Variants in TSPAN18 observed in about 807,000 individuals in gnomAD.
TSPAN18 encodes tetraspanin 18.
Under a neutral mutation model 27.3 loss-of-function variants are expected in TSPAN18, and 14 were observed. The ratio of observed to expected loss-of-function variants is 0.51; its 90% CI spans 0.34 to 0.80. The LOEUF is 0.80. Among genes scored for constraint, TSPAN18 ranks in the 30% least tolerant of loss-of-function variants. The pLI, the probability that TSPAN18 is intolerant of heterozygous loss-of-function variation, is 0.01. For missense variants in TSPAN18, 268 were observed against 323.9 expected (o/e 0.83, Z 1.32); for synonymous variants, 143 against 136.5 (o/e 1.05, Z -0.33).
At chr11:44,920,536 G>A (rs1211436675) in intron 8 of TSPAN18, among the ~76,000 whole-genome samples, 4 of 152,118 alleles carry the variant, frequency 2.6e-5, no homozygotes, top group South Asian at 2.1e-4. Context: ...CTTCCTGCAC[G>A]TGCCATTTCT....
intron 1 of TSPAN18, among the ~76,000 whole-genome samples, chr11:44,733,932 T>A (rs1003266981): frequency 6.6e-6 from 1 of 152,134 alleles, no homozygotes; most frequent in Non-Finnish European, 1.5e-5. Context: ...ATGTTGAAAT[T>A]TGATCTCCAC....
At chr11:44,791,365 C>T (rs1216924886) in intron 2 of TSPAN18, among the ~76,000 whole-genome samples, 1 of 152,180 alleles carries the variant, frequency 6.6e-6, no homozygotes, top group East Asian at 1.9e-4. Flanking sequence ...TAACTTTATG[C>T]ACAAGTTTGA....
Position 44,908,769 on chromosome 11 carries a change from G to GAAAGAAAGAAAGAAAGAA in TSPAN18, c.64-935_64-934insAAGAAAGAAAGAAAGAAA, listed in dbSNP as rs1554938043. ...AAGAGAGAGAGAGAGAGAGAGAAAGGAGAAAGAAAGAAAGAAAGAAAGAAA... is the reference window on the plus strand; with the variant it reads ...AAGAGAGAGAGAGAGAGAGAGAAAGGAAAGAAAGAAAGAAAGAAAGAAAGAAAGAAAGAAAGAAAGAAA... On this transcript the variant is annotated intron_variant, in intron 4 of 9. Transcript: ENST00000520358. Among the ~76,000 whole-genome samples, 34 of 71,694 alleles carry GAAAGAAAGAAAGAAAGAA rather than the reference G, an allele frequency of 4.7e-4. 3 individuals are homozygous for GAAAGAAAGAAAGAAAGAA. Among genetic ancestry groups the GAAAGAAAGAAAGAAAGAA allele is most frequent in the African/African-American group, 1.7e-3 (26 of 15,052 alleles). 47.0% of individuals were successfully genotyped at this position (71,694 alleles called of 152,430 possible).
At chr11:44,736,456 T>C (rs1252082617) in intron 1 of TSPAN18, 1 of 152,220 alleles carries the variant, frequency 6.6e-6, no homozygotes, top group African/African-American at 2.4e-5. Flanking sequence ...AGAATATCAG[T>C]TGAGATGGAT....
chr11:44,832,582 G>A (rs835778), intron 2 of TSPAN18, among the ~76,000 whole-genome samples: 134,099 of 152,220 alleles, frequency 0.88, 59,136 homozygotes, highest in East Asian at 0.94. Context: ...GAACAAGCCA[G>A]TCATATTCCT....
chr11:44,928,111 A>G (rs749850627), intron 9 of TSPAN18, among the ~76,000 whole-genome samples: 1 of 152,058 alleles, frequency 6.6e-6, no homozygotes, highest in Non-Finnish European at 1.5e-5. Flanking sequence ...TCCCTCAGCT[A>G]CTTGCAATGA....
At chr11:44,798,426 T>C (rs1658012579) in intron 2 of TSPAN18, among the ~76,000 whole-genome samples, 1 of 152,186 alleles carries the variant, frequency 6.6e-6, no homozygotes, top group Admixed American at 6.5e-5. Flanking sequence ...GTCACACAGC[T>C]GGAAAGTAGC....
intron 6 of TSPAN18, among the ~76,000 whole-genome samples, chr11:44,918,696 T>A (rs1860008287): frequency 6.6e-6 from 1 of 151,802 alleles, no homozygotes; most frequent in Non-Finnish European, 1.5e-5. Flanking sequence ...GCCCAGATGG[T>A]CTCCTCTGCT....
intron 3 of TSPAN18, chr11:44,903,902 GGAT>G: frequency 2.2e-6 from 1 of 456,602 alleles, no homozygotes; most frequent in Non-Finnish European, 4.4e-6. Flanking sequence ...TGGAAAATAA[GGAT>G]AATAAGAGTA....
chr11:44,911,033 G>A (rs561962859), intron 5 of TSPAN18, among the ~76,000 whole-genome samples: 4 of 152,318 alleles, frequency 2.6e-5, no homozygotes, highest in East Asian at 1.9e-4. Flanking sequence ...GGGTGGTGGC[G>A]CTTGGGGCCT....
At chr11:44,819,439 A>C (rs964851689) in intron 2 of TSPAN18, among the ~76,000 whole-genome samples, 2 of 152,158 alleles carry the variant, frequency 1.3e-5, no homozygotes, top group Non-Finnish European at 2.9e-5. Context: ...GACTGTGCGC[A>C]TGTGCATGTG....
chr11:44,871,438 G>T (rs1858192867), intron 3 of TSPAN18, among the ~76,000 whole-genome samples: 1 of 152,114 alleles, frequency 6.6e-6, no homozygotes, highest in Non-Finnish European at 1.5e-5. Flanking sequence ...GGGGATGAGG[G>T]TTTCAATATA....
chr11:44,866,645 A>G (rs1858044819), intron 3 of TSPAN18, among the ~76,000 whole-genome samples: 2 of 152,340 alleles, frequency 1.3e-5, no homozygotes, highest in Middle Eastern at 6.8e-3. Flanking sequence ...TTCCGGGAAC[A>G]GGGCACCTGA....
intron 5 of TSPAN18, among the ~76,000 whole-genome samples, chr11:44,911,866 A>T (rs968994042): frequency 6.6e-6 from 1 of 151,822 alleles, no homozygotes; most frequent in African/African-American, 2.4e-5. Flanking sequence ...CTCCCGAGAG[A>T]GGTGATCCTG....
chr11:44,915,479 C>T (rs1029345558), intron 5 of TSPAN18, among the ~76,000 whole-genome samples: 2 of 152,174 alleles, frequency 1.3e-5, no homozygotes, highest in African/African-American at 2.4e-5. Flanking sequence ...TCATACTCTG[C>T]ACTGGTTGGG....
intron 2 of TSPAN18, among the ~76,000 whole-genome samples, chr11:44,845,272 G>T (rs1454016560): frequency 1.3e-5 from 2 of 152,174 alleles, no homozygotes; most frequent in African/African-American, 2.4e-5. Context: ...TTCATGATTT[G>T]CCCCTCTGAG....
intron 2 of TSPAN18, chr11:44,859,511 TTGCACC>T (rs1469384728): frequency 2.0e-5 from 3 of 152,046 alleles, no homozygotes; most frequent in African/African-American, 7.2e-5. Flanking sequence ...TGGAAAGAGG[TTGCACC>T]AGCTTGTGGC....
chr11:44,730,816 G>A (rs1854636424), intron 1 of TSPAN18, among the ~76,000 whole-genome samples: 1 of 122,042 alleles, frequency 8.2e-6, no homozygotes, highest in Admixed American at 8.1e-5. Context: ...TAGTAGAGAC[G>A]GGTTTCACCA....
intron 2 of TSPAN18, among the ~76,000 whole-genome samples, chr11:44,825,038 C>A (rs1168921298): frequency 6.6e-6 from 1 of 152,176 alleles, no homozygotes; most frequent in African/African-American, 2.4e-5. Flanking sequence ...TGAAGCTGTG[C>A]CAGTGCTGGA....
Sources: allele counts gnomAD v4.1 joint callset (sites outside exome capture counted in the v4.1 genomes callset), GRCh38; gene constraint gnomAD v4.1.1; transcripts MANE v1.5; gene names NCBI Gene and HGNC (gene_info 2026-07-23, HGNC 2026-07-21).